Variants in BCAS3 observed in about 807,000 individuals in gnomAD.
The protein encoded by BCAS3 is BCAS4/BCAS3 fusion.
BCAS3 carries 53 observed loss-of-function variants against 116.1 expected under a neutral mutation model. That is an observed-to-expected ratio of 0.46 (90% CI 0.37 to 0.57). The LOEUF is 0.57. Among genes scored for constraint, BCAS3 ranks in the 20% least tolerant of loss-of-function variants. BCAS3 has a pLI of 0.00. For synonymous variants in BCAS3, 391 were observed against 408.2 expected (o/e 0.96, Z 0.51); for missense variants, 917 against 1,165.4 (o/e 0.79, Z 3.10).
intron 7 of BCAS3, among the ~76,000 whole-genome samples, chr17:60,864,511 A>G (rs1034066207): frequency 1.3e-5 from 2 of 152,264 alleles, no homozygotes; most frequent in African/African-American, 2.4e-5. Flanking sequence ...GGGTAGTATT[A>G]GGACCTTGCT....
At chr17:60,918,691 A>AT (rs1161722822) in intron 12 of BCAS3, among the ~76,000 whole-genome samples, 2,573 of 127,746 alleles carry the variant, frequency 0.02, 70 homozygotes, top group African/African-American at 0.056. Flanking sequence ...AAGCTTCTCA[A>AT]TTTTTTTTTT....
chr17:61,086,608 T>G, intron 22 of BCAS3: 1 of 837,702 alleles, frequency 1.2e-6, no homozygotes, highest in South Asian at 5.5e-5. Flanking sequence ...TGTATGAGTT[T>G]CGATGGCATT....
In BCAS3 at chr17:61,239,740, A is replaced by C. The variant is rs1011869328; in HGVS notation, c.2426-128587A>C. 1.3e-5 allele frequency among the ~76,000 whole-genome samples: 2 copies of C among 152,252 alleles called. No homozygotes were observed. The highest frequency in any genetic ancestry group is 2.9e-5 in the Non-Finnish European group (2 of 68,046). ...AGAACTTAAAGATTTTAATCAAGAT[A>C]ATCCTAAAATGTCTTAAGGTGCAAC... On this transcript the variant is annotated intron_variant, in intron 22 of 23. Transcript: ENST00000407086. This position sits in a 1 kb window ranked among gnomAD's most constrained non-coding sequence, Gnocchi z 4.2.
At position 61,302,432 on chromosome 17, in the gene BCAS3, C is replaced by A. The variant is rs148641344; in HGVS notation, c.2426-65895C>A. 6.6e-6 allele frequency among the ~76,000 whole-genome samples: 1 copy of A among 152,154 alleles called. No homozygotes were observed. The highest frequency in any genetic ancestry group is 2.4e-5 in the African/African-American group (1 of 41,510). Reference sequence around the variant, plus strand: ...CAATAATGAAATGCAAATTTTCCTGCCTTTTTACTATGGTCATTTTTAGAT... The same window carrying A: ...CAATAATGAAATGCAAATTTTCCTGACTTTTTACTATGGTCATTTTTAGAT... On this transcript the variant is annotated intron_variant, in intron 22 of 23. Coordinates refer to ENST00000407086, the MANE Select transcript of BCAS3 (RefSeq NM_017679.5). This position sits in a 1 kb window ranked among gnomAD's most constrained non-coding sequence, Gnocchi z 4.4.
rs2057315169 is a variant in BCAS3 at position 61,343,434 on chromosome 17, G to A, written c.2426-24893G>A. On this transcript the variant is annotated intron_variant, in intron 22 of 23. Coordinates refer to ENST00000407086, the MANE Select transcript of BCAS3 (RefSeq NM_017679.5). This position sits in a 1 kb window ranked among gnomAD's most constrained non-coding sequence, Gnocchi z 5.5. ...TGGCCATGGTTTATAGCAACAGGGA[G>A]TGCATCAGAATCACCTGATGAGCTT... Among the ~76,000 whole-genome samples the A allele has an allele frequency of 6.6e-6, 1 of 152,240 alleles. No individual in the cohort carries two copies. Among genetic ancestry groups the A allele is most frequent in the South Asian group, 2.1e-4 (1 of 4,830 alleles).
intron 22 of BCAS3, among the ~76,000 whole-genome samples, chr17:61,150,030 C>T (rs1244095264): frequency 6.6e-6 from 1 of 152,000 alleles, no homozygotes; most frequent in African/African-American, 2.4e-5. Flanking sequence ...ATGTTTTTTC[C>T]TAACAGGAAA....
rs1339545599 is a variant in BCAS3, at chr17:61,020,337, A to G, written c.1637+4436A>G. ...CATACATGAGGCCAGTAGAACTACA[A>G]ATAGCAGAAGACAGATGTATTTACA... On this transcript the variant is annotated intron_variant, in intron 16 of 23. Transcript: ENST00000407086. The surrounding 1 kb of genome is among the most constrained non-coding windows in gnomAD (Gnocchi z 4.5). Among the ~76,000 whole-genome samples, 1 of 152,210 alleles carries G rather than the reference A, an allele frequency of 6.6e-6. No individual in the cohort carries two copies. Among genetic ancestry groups the G allele is most frequent in the African/African-American group, 2.4e-5 (1 of 41,446 alleles).
rs34499099 is a variant in BCAS3 at position 61,223,151 on chromosome 17, C to CTTTTTTT, written c.2425+138605_2425+138611dup. ...TTCAATATGTGACAGGATGCAGCGC[C>CTTTTTTT]TTTTTTTTTTTTTTTTTTTTTTTTG... On this transcript the variant is annotated intron_variant, in intron 22 of 23. Coordinates refer to ENST00000407086, the MANE Select transcript of BCAS3 (RefSeq NM_017679.5). 1.3e-3 allele frequency among the ~76,000 whole-genome samples: 102 copies of CTTTTTTT among 79,076 alleles called. 7 individuals carry two copies. The highest frequency in any genetic ancestry group is 1.7e-3 in the Admixed American group (9 of 5,172). 51.9% of individuals were successfully genotyped at this position (79,076 alleles called of 152,430 possible). A position where few individuals can be genotyped will look rare whatever the true frequency, so the allele number is the denominator to read the frequency against.
Position 61,073,745 on chromosome 17 carries a change from C to T in BCAS3, c.2030-1175C>T, listed in dbSNP as rs1389458150. ...TTAATGATCATCTCTTACTTTCTTA[C>T]TTTTCTTTCTACTTACCTCCCCTCT... is the stretch of plus-strand genomic sequence containing the variant. On this transcript the variant is annotated intron_variant, in intron 19 of 23. Coordinates refer to ENST00000407086, the MANE Select transcript of BCAS3 (RefSeq NM_017679.5). The surrounding 1 kb of genome is among the most constrained non-coding windows in gnomAD (Gnocchi z 4.6). Among the ~76,000 whole-genome samples, 1 of 152,084 alleles carries T rather than the reference C, an allele frequency of 6.6e-6. No individual in the cohort carries two copies. The highest frequency in any genetic ancestry group is 1.5e-5 in the Non-Finnish European group (1 of 68,014).
chr17:60,892,067 T>G (rs1283962891), intron 10 of BCAS3, among the ~76,000 whole-genome samples: 2 of 152,204 alleles, frequency 1.3e-5, no homozygotes, highest in African/African-American at 4.8e-5. Context: ...AGACACCTAG[T>G]TTGGTTCCAT....
chr17:61,301,706 T>C (rs766947719), intron 22 of BCAS3, among the ~76,000 whole-genome samples: 5 of 152,214 alleles, frequency 3.3e-5, no homozygotes, highest in Non-Finnish European at 7.3e-5. Context: ...GCCTACATTA[T>C]AATTGATATA....
intron 11 of BCAS3, among the ~76,000 whole-genome samples, chr17:60,910,120 A>G (rs145662675): frequency 5.3e-5 from 8 of 152,320 alleles, no homozygotes; most frequent in African/African-American, 1.7e-4. Flanking sequence ...TAGGTATACA[A>G]TTAGAGTTAT....
At chr17:61,207,062 A>G (rs1233151342) in intron 22 of BCAS3, among the ~76,000 whole-genome samples, 1 of 152,106 alleles carries the variant, frequency 6.6e-6, no homozygotes, top group African/African-American at 2.4e-5. Flanking sequence ...AAGATGCAAT[A>G]TTAGTATTTG....
rs2054776340 is a variant in BCAS3, at chr17:61,316,740, C to T, written c.2426-51587C>T. Among the ~76,000 whole-genome samples the T allele has an allele frequency of 6.6e-6, 1 of 152,162 alleles. No individual in the cohort carries two copies. Among genetic ancestry groups the T allele is most frequent in the Non-Finnish European group, 1.5e-5 (1 of 68,036 alleles). On this transcript the variant is annotated intron_variant, in intron 22 of 23. Coordinates refer to ENST00000407086, the MANE Select transcript of BCAS3 (RefSeq NM_017679.5). This position sits in a 1 kb window ranked among gnomAD's most constrained non-coding sequence, Gnocchi z 5.8. Reference sequence around the variant, plus strand: ...TCCATGCCCTCGGAATGATGTGGCTCCTTCCTTTTTTAGTCAAACATCTGC... The same window carrying T: ...TCCATGCCCTCGGAATGATGTGGCTTCTTCCTTTTTTAGTCAAACATCTGC...
At position 61,026,843 on chromosome 17, in the gene BCAS3, A is replaced by AT. The variant is rs1194930898; in HGVS notation, c.1638-7818dup. The AT allele has an allele frequency of 1.5e-5, 24 of 1,585,666 alleles. No individual in the cohort carries two copies. Among genetic ancestry groups the AT allele is most frequent in the Non-Finnish European group, 1.9e-5 (22 of 1,164,052 alleles). On this transcript the variant is annotated intron_variant, in intron 16 of 23. Coordinates refer to ENST00000407086, the MANE Select transcript of BCAS3 (RefSeq NM_017679.5). This position sits in a 1 kb window ranked among gnomAD's most constrained non-coding sequence, Gnocchi z 5.0. ...TGAGTTTTTCTCTAATTTTTTGTGCATTTTTCCCCCTTTTCCATGAAGGCC... is the reference window on the plus strand; with the variant it reads ...TGAGTTTTTCTCTAATTTTTTGTGCATTTTTTCCCCCTTTTCCATGAAGGCC...
At chr17:60,777,765 G>C (rs925548078) in intron 6 of BCAS3, among the ~76,000 whole-genome samples, 2 of 152,062 alleles carry the variant, frequency 1.3e-5, no homozygotes, top group African/African-American at 4.8e-5. Flanking sequence ...TCCAACTCCA[G>C]AAACTTTCTG....
Position 61,139,324 on chromosome 17 carries a change from A to G in BCAS3, c.2425+54760A>G, listed in dbSNP as rs1477084442. Among the ~76,000 whole-genome samples the G allele has an allele frequency of 6.6e-6, 1 of 152,198 alleles. No homozygotes were observed. The highest frequency in any genetic ancestry group is 1.5e-5 in the Non-Finnish European group (1 of 68,030). On this transcript the variant is annotated intron_variant, in intron 22 of 23. Coordinates refer to ENST00000407086, the MANE Select transcript of BCAS3 (RefSeq NM_017679.5). This position sits in a 1 kb window ranked among gnomAD's most constrained non-coding sequence, Gnocchi z 4.7. ...TTTGCTTCTTTAAGGAAGTGCGAGA[A>G]GGTTAAAGATGTCTGTGATCTGGCC...
chr17:61,313,605 T>C lies in BCAS3; in HGVS notation c.2426-54722T>C, dbSNP rs1366833174. Among the ~76,000 whole-genome samples the C allele has an allele frequency of 6.6e-6, 1 of 152,192 alleles. No individual in the cohort carries two copies. Among genetic ancestry groups the C allele is most frequent in the Non-Finnish European group, 1.5e-5 (1 of 68,026 alleles). On this transcript the variant is annotated intron_variant, in intron 22 of 23. Transcript: ENST00000407086. This position sits in a 1 kb window ranked among gnomAD's most constrained non-coding sequence, Gnocchi z 4.3. ...TATTTCCAAGGCTGGAGGACAGAGC[T>C]TGGACTCGGGTCCAGCTCGGCGTCC...
intron 22 of BCAS3, among the ~76,000 whole-genome samples, chr17:61,270,704 A>C (rs1453260004): frequency 6.6e-6 from 1 of 152,026 alleles, no homozygotes. Context: ...TGTTTTCTTC[A>C]GGTAGTTTTA....
Sources: gnomAD v4.1 joint callset for allele counts (sites outside exome capture counted in the v4.1 genomes callset) on GRCh38, gnomAD v4.1.1 for gene constraint, Gnocchi (gnomAD v3.1) non-coding constraint, MANE v1.5 for transcripts, NCBI Gene and HGNC (gene_info 2026-07-23, HGNC 2026-07-21) for gene names.